The following CBL variants were observed in gnomAD, a reference collection of about 807,000 sequenced individuals.
CBL encodes Cbl proto-oncogene, also known as E3 ubiquitin-protein ligase CBL.
In CBL, 45 loss-of-function variants were observed where a neutral mutation model predicts 96.9. The ratio of observed to expected loss-of-function variants is 0.46; its 90% CI spans 0.37 to 0.60. The LOEUF (loss-of-function observed/expected upper bound fraction) is 0.60. CBL is among the 20% of genes least tolerant of loss of function. The pLI is 0.00. For synonymous variants in CBL, 420 were observed against 426.8 expected (o/e 0.98, Z 0.20); for missense variants, 1,024 against 1,143.5 (o/e 0.90, Z 1.51).
At chr11:119,221,793 A>G (rs926249062) in intron 1 of CBL, among the ~76,000 whole-genome samples, 1 of 151,964 alleles carries the variant, frequency 6.6e-6, no homozygotes, top group Non-Finnish European at 1.5e-5. Context: ...GCTTCACTAT[A>G]TATTTATACC....
chr11:119,270,448 T>A lies in CBL; in HGVS notation c.444-1287T>A, dbSNP rs1265818262. Reference sequence around the variant, plus strand: ...TATATATATATATATTTTTTTTTTTTTTTTTTTTTTTTTTTTGAGACGGAG... The same window carrying A: ...TATATATATATATATTTTTTTTTTTATTTTTTTTTTTTTTTTGAGACGGAG... On this transcript the variant is annotated intron_variant, in intron 2 of 15. Transcript: ENST00000264033. 3.4e-3 allele frequency among the ~76,000 whole-genome samples: 314 copies of A among 92,772 alleles called. 5 individuals are homozygous for A. The South Asian group carries it at 0.043, about 13-fold the overall frequency. The allele number at this position is 92,772 out of a possible 152,430, so 60.9% of individuals were successfully genotyped here.
At chr11:119,216,335 T>C (rs925539310) in intron 1 of CBL, among the ~76,000 whole-genome samples, 4 of 147,004 alleles carry the variant, frequency 2.7e-5, no homozygotes, top group East Asian at 2.0e-4. Context: ...CTTGGACTTA[T>C]TGTAATTTAT....
At chr11:119,279,097 TTGG>T (rs1364787173) in intron 9 of CBL, among the ~76,000 whole-genome samples, 2 of 152,144 alleles carry the variant, frequency 1.3e-5, no homozygotes, top group Non-Finnish European at 2.9e-5. Flanking sequence ...TTCATATCTG[TTGG>T]TGGAGAATAT....
intron 2 of CBL, among the ~76,000 whole-genome samples, chr11:119,254,234 T>C (rs973436461): frequency 4.6e-5 from 7 of 152,146 alleles, no homozygotes; most frequent in African/African-American, 1.7e-4. Flanking sequence ...ATGCTTAAAA[T>C]AGTAAATTTT....
intron 9 of CBL, among the ~76,000 whole-genome samples, chr11:119,281,356 A>G (rs1291467430): frequency 6.6e-6 from 1 of 152,100 alleles, no homozygotes; most frequent in Non-Finnish European, 1.5e-5. Context: ...CCTTTATTCA[A>G]CCCTCAAACG....
At chr11:119,296,536 A>G (rs547382346) in intron 12 of CBL, among the ~76,000 whole-genome samples, 1 of 152,348 alleles carries the variant, frequency 6.6e-6, no homozygotes, top group South Asian at 2.1e-4. Context: ...CCTTGAAACC[A>G]TAGGTAGAGT....
chr11:119,288,909 C>A (rs796480467), intron 12 of CBL, among the ~76,000 whole-genome samples: 6 of 152,228 alleles, frequency 3.9e-5, no homozygotes, highest in African/African-American at 1.4e-4. Flanking sequence ...TTACGGTATT[C>A]CACCCATTTT....
At chr11:119,280,542 ATTTTGATTTT>A (rs1949925098) in intron 9 of CBL, among the ~76,000 whole-genome samples, 1 of 151,814 alleles carries the variant, frequency 6.6e-6, no homozygotes, top group Non-Finnish European at 1.5e-5. Context: ...TTGTTGTTTT[ATTTTGATTTT>A]TTTTAATATA....
rs547707536 is a variant in CBL, at chr11:119,218,451, G to GT, written c.195+11842dup. 5.5e-4 allele frequency among the ~76,000 whole-genome samples: 83 copies of GT among 152,292 alleles called. 1 individual carries two copies. The East Asian group carries it at 0.013, about 23-fold the overall frequency. ...TTACAGTAGTCCCTTCATATCCATA[G>GT]TTTCGCTTCCTGCTGTTTCAGTTAC... On this transcript the variant is annotated intron_variant, in intron 1 of 15. Transcript: ENST00000264033.
At chr11:119,288,425 T>A (rs937142960) in intron 12 of CBL, among the ~76,000 whole-genome samples, 4 of 152,208 alleles carry the variant, frequency 2.6e-5, no homozygotes, top group African/African-American at 7.2e-5. Flanking sequence ...GAGGGCTCTC[T>A]TCCTGCATCT....
chr11:119,243,628 C>T (rs1208139693), intron 2 of CBL, among the ~76,000 whole-genome samples: 1 of 147,162 alleles, frequency 6.8e-6, no homozygotes, highest in Non-Finnish European at 1.5e-5. Context: ...TTTTAAAATA[C>T]AAAAACAACA....
Position 119,302,839 on chromosome 11 carries a change from C to G in CBL, c.*3058C>G, listed in dbSNP as rs1387930387. ...TATTTTTGTGAATAGTGCTCTCTAC[C>G]TGTGGGTGGCCGTTCTCTTCCACTT... On this transcript the variant is annotated 3_prime_UTR_variant, in exon 16 of 16. Coordinates refer to ENST00000264033, the MANE Select transcript of CBL (RefSeq NM_005188.4). The G allele has an allele frequency of 4.3e-6, 1 of 231,106 alleles. No homozygotes were observed. Among genetic ancestry groups the G allele is most frequent in the African/African-American group, 2.2e-5 (1 of 45,228 alleles). 14.3% of individuals were successfully genotyped at this position (231,106 alleles called of 1,614,324 possible). A position where few individuals can be genotyped will look rare whatever the true frequency, so the allele number is the denominator to read the frequency against.
chr11:119,255,271 C>A (rs1359471055), intron 2 of CBL, among the ~76,000 whole-genome samples: 1 of 151,992 alleles, frequency 6.6e-6, no homozygotes, highest in Admixed American at 6.6e-5. Flanking sequence ...GAGGGAGGAG[C>A]CAGGAGCCCC....
intron 2 of CBL, among the ~76,000 whole-genome samples, chr11:119,266,981 G>A (rs191813427): frequency 6.6e-6 from 1 of 152,294 alleles, no homozygotes; most frequent in East Asian, 1.9e-4. Context: ...ATTTTTTCAA[G>A]TATTGCTTAC....
In CBL at chr11:119,262,068, G is replaced by C. The variant is rs138842750; in HGVS notation, c.444-9667G>C. 5.9e-5 allele frequency among the ~76,000 whole-genome samples: 9 copies of C among 152,298 alleles called. No individual in the cohort carries two copies. In the East Asian group the frequency reaches 1.3e-3, roughly 23 times the overall value. On this transcript the variant is annotated intron_variant, in intron 2 of 15. Transcript: ENST00000264033. ...TGGCATGCAAACACTAAGTGATCGA[G>C]TTGAACATTTTCAGTGATACCATGT...
intron 1 of CBL, among the ~76,000 whole-genome samples, chr11:119,226,411 A>G (rs1378341174): frequency 6.6e-6 from 1 of 152,114 alleles, no homozygotes; most frequent in Non-Finnish European, 1.5e-5. Flanking sequence ...ATTATGAGGC[A>G]TTATCTTTGA....
intron 2 of CBL, among the ~76,000 whole-genome samples, chr11:119,244,581 AT>A (rs532837579): frequency 0.017 from 1,799 of 104,370 alleles, 100 homozygotes; most frequent in African/African-American, 0.062. Flanking sequence ...TGCCCGGCTA[AT>A]TTTTTTTTTT....
intron 12 of CBL, among the ~76,000 whole-genome samples, chr11:119,293,457 C>T (rs935958355): frequency 1.6e-4 from 25 of 152,150 alleles, no homozygotes; most frequent in African/African-American, 3.1e-4. Flanking sequence ...AATGGCCATA[C>T]GTAACTCCAA....
intron 1 of CBL, among the ~76,000 whole-genome samples, chr11:119,225,724 C>CTTTTTTTTTT (rs57084908): frequency 2.0e-5 from 2 of 102,448 alleles, no homozygotes; most frequent in African/African-American, 4.0e-5. Context: ...TAAATATTTT[C>CTTTTTTTTTT]TTTTTTTTTT....
Sources: allele counts gnomAD v4.1 joint callset (sites outside exome capture counted in the v4.1 genomes callset), GRCh38; gene constraint gnomAD v4.1.1; transcripts MANE v1.5; gene names NCBI Gene and HGNC (gene_info 2026-07-23, HGNC 2026-07-21).